CEMIP: variants seen among roughly 807,000 people sequenced by gnomAD.
The protein encoded by CEMIP is cell migration inducing hyaluronidase 1.
Under a neutral mutation model 156.9 loss-of-function variants are expected in CEMIP, and 105 were observed. The ratio of observed to expected loss-of-function variants is 0.67; its 90% CI spans 0.57 to 0.79. The LOEUF is 0.79. Among genes scored for constraint, CEMIP ranks in the 30% least tolerant of loss-of-function variants. The probability of loss-of-function intolerance (pLI) is 0.00; values close to 1 mark genes in which losing one functional copy is unlikely to be tolerated. For synonymous variants in CEMIP, 676 were observed against 668.4 expected, an observed-to-expected ratio of 1.01 and a Z score of -0.17; for missense variants, 1,457 against 1,769.4, an observed-to-expected ratio of 0.82 and a Z score of 3.17.
At chr15:80,861,653 T>A (rs1279166807) in intron 1 of CEMIP, among the ~76,000 whole-genome samples, 1 of 152,204 alleles carries the variant, frequency 6.6e-6, no homozygotes, top group African/African-American at 2.4e-5. Flanking sequence ...GCAGGGGGCA[T>A]CTGGTAGAAA....
At position 80,884,186 on chromosome 15, in the gene CEMIP, A is replaced by G. The variant is rs1898756674; in HGVS notation, c.629A>G (p.Tyr210Cys). Residue 210 changes from tyrosine (Y) to cysteine (C), a missense_variant, in exon 7 of 30, where the codon TAT (tyrosine) becomes TGT (cysteine). Physicochemically the swap from Tyr to Cys is radical, Grantham distance 194 (BLOSUM62 -2). Coordinates refer to ENST00000394685, the MANE Select transcript of CEMIP (RefSeq NM_001293298.2). ...TCTGCCCTTTTTAGGTTTGACACCT[A>G]TAGATCCAAGAAAGAGAGTGAACGT... ...TVIHSDRFDT[Y>C]RSKKESERLV... 6.2e-7 allele frequency: 1 copy of G among 1,614,060 alleles called. No homozygotes were observed. The highest frequency in any genetic ancestry group is 1.3e-5 in the African/African-American group (1 of 74,932).
intron 1 of CEMIP, among the ~76,000 whole-genome samples, chr15:80,860,126 C>T (rs1953856769): frequency 6.6e-6 from 1 of 152,222 alleles, no homozygotes; most frequent in Admixed American, 6.5e-5. Context: ...GGATGAGTCT[C>T]TCCAGTGCTT....
Position 80,924,671 on chromosome 15 carries a change from G to A in CEMIP, c.2253G>A (p.Lys751=). The change falls in exon 18 of 30, where the codon AAG becomes AAA. Residue 751 remains lysine, a synonymous_variant. Coordinates refer to ENST00000394685, the MANE Select transcript of CEMIP (RefSeq NM_001293298.2). ...TCAAAACCACCGAGGCCTCTGCCAA[G>A]GACAAGCGGCCGTTCCTCTCAATCA... ...NGVKTTEASA[K]DKRPFLSIIS... 1 of 1,614,176 alleles carries A rather than the reference G, an allele frequency of 6.2e-7. No individual in the cohort carries two copies. Among genetic ancestry groups the A allele is most frequent in the Non-Finnish European group, 8.5e-7 (1 of 1,180,040 alleles).
At chr15:80,911,495 T>A (rs1900049426) in intron 14 of CEMIP, among the ~76,000 whole-genome samples, 1 of 151,802 alleles carries the variant, frequency 6.6e-6, no homozygotes, top group Non-Finnish European at 1.5e-5. Flanking sequence ...GCAGTTTGAA[T>A]GGAAGCTGTT....
intron 12 of CEMIP, 110 bp downstream of exon 12, chr15:80,896,170 T>C: frequency 9.0e-7 from 1 of 1,110,656 alleles, no homozygotes; most frequent in East Asian, 2.4e-5. Context: ...GCTGTAATAA[T>C]GCTGCATAAC....
At chr15:80,879,451 T>C (rs1333997582) in intron 4 of CEMIP, among the ~76,000 whole-genome samples, 1 of 152,190 alleles carries the variant, frequency 6.6e-6, no homozygotes, top group Admixed American at 6.5e-5. Context: ...ATAGGTTAGA[T>C]GCAAATATGC....
At chr15:80,861,426 G>C (rs949878740) in intron 1 of CEMIP, among the ~76,000 whole-genome samples, 3 of 152,210 alleles carry the variant, frequency 2.0e-5, no homozygotes, top group Non-Finnish European at 4.4e-5. Context: ...CATCTTTGCT[G>C]ATCCTTGGCA....
intron 1 of CEMIP, among the ~76,000 whole-genome samples, chr15:80,831,354 T>C (rs915429658): frequency 1.3e-5 from 2 of 152,188 alleles, no homozygotes; most frequent in Middle Eastern, 6.8e-3. Flanking sequence ...GAGGATGTCT[T>C]TCTGGCAGTG....
chr15:80,931,848 T>G lies in CEMIP; in HGVS notation c.2613-11T>G, dbSNP rs1310766401. ...CATTTAGACTGACATCTTACTTCCTTAACTCCGTAGGAATTTTCCAATTAG... is the reference window on the plus strand; with the variant it reads ...CATTTAGACTGACATCTTACTTCCTGAACTCCGTAGGAATTTTCCAATTAG... On this transcript the variant is annotated splice_polypyrimidine_tract_variant and intron_variant, in intron 21 of 29. Coordinates refer to ENST00000394685, the MANE Select transcript of CEMIP (RefSeq NM_001293298.2). 2.5e-6 allele frequency: 4 copies of G among 1,613,182 alleles called. No homozygotes were observed. The highest frequency in any genetic ancestry group is 1.1e-5 in the South Asian group (1 of 91,066).
At chr15:80,895,192 C>T in intron 11 of CEMIP, 70 bp downstream of exon 11, 3 of 1,600,390 alleles carry the variant, frequency 1.9e-6, no homozygotes, top group Non-Finnish European at 2.6e-6. Flanking sequence ...GCTATGCAGG[C>T]AACTTCCAGA....
chr15:80,855,570 C>T (rs573171831), intron 1 of CEMIP, among the ~76,000 whole-genome samples: 195 of 151,888 alleles, frequency 1.3e-3, no homozygotes, highest in Non-Finnish European at 1.4e-3. Flanking sequence ...TGCAGTGGCA[C>T]GATCTCGGCT....
At chr15:80,920,022 T>C in intron 14 of CEMIP, 72 bp from the exon 15 acceptor site, 6 of 1,387,548 alleles carry the variant, frequency 4.3e-6, no homozygotes, top group Non-Finnish European at 5.1e-6. Context: ...CTATTTAGTG[T>C]TTGCTGAATG....
chr15:80,942,279 A>T lies in CEMIP; in HGVS notation c.3641A>T (p.Lys1214Met). The T allele has an allele frequency of 6.2e-7, 1 of 1,614,168 alleles. No homozygotes were observed. The highest frequency in any genetic ancestry group is 8.5e-7 in the Non-Finnish European group (1 of 1,179,986). Residue 1214 changes from lysine (K) to methionine (M), a missense_variant, in exon 27 of 30, where the codon AAG becomes ATG. Lys to Met is a moderately conservative substitution (Grantham distance 95). Coordinates refer to ENST00000394685, the MANE Select transcript of CEMIP (RefSeq NM_001293298.2). The part of the protein sequence containing the change: ...LKTKDHFLEV[K>M]MESSKQHFFH... ...ACAAAGGACCATTTCTTGGAGGTGA[A>T]GATGGAGAGTTCCAAGCAGCACTTC...
intron 14 of CEMIP, 170 bp downstream of exon 14, chr15:80,909,476 G>A (rs1899958151): frequency 4.1e-6 from 3 of 725,322 alleles, no homozygotes; most frequent in Non-Finnish European, 7.4e-6. Context: ...AAACAGGAAG[G>A]AGAAAATAGA....
intron 1 of CEMIP, among the ~76,000 whole-genome samples, chr15:80,790,184 C>A (rs1896045645): frequency 6.6e-6 from 1 of 152,184 alleles, no homozygotes. Context: ...TTTTCATGTT[C>A]TGTTTTACTC....
At position 80,879,698 on chromosome 15, in the gene CEMIP, C is replaced by T. The variant is rs367814136; in HGVS notation, c.242-18C>T. On this transcript the variant is annotated intron_variant, in intron 4 of 29. Transcript: ENST00000394685. ...TAACACTGTGTTATTAAACCTCCCC[C>T]CAATGCTACCTCTTCAGGCAAGCTG... 53 of 1,614,050 alleles carry T rather than the reference C, an allele frequency of 3.3e-5. No homozygotes were observed. The Middle Eastern group carries it at 9.9e-4, about 30-fold the overall frequency.
At chr15:80,820,665 C>A (rs750446042) in intron 1 of CEMIP, among the ~76,000 whole-genome samples, 2 of 152,170 alleles carry the variant, frequency 1.3e-5, no homozygotes, top group Non-Finnish European at 2.9e-5. Flanking sequence ...AGGGCACAGG[C>A]CATAGAAGCT....
intron 1 of CEMIP, among the ~76,000 whole-genome samples, chr15:80,781,541 C>T (rs573402031): frequency 6.6e-6 from 1 of 152,120 alleles, no homozygotes; most frequent in Non-Finnish European, 1.5e-5. Context: ...TTTGTCATTT[C>T]CACCCATACT....
intron 1 of CEMIP, among the ~76,000 whole-genome samples, chr15:80,868,587 A>G (rs982459613): frequency 1.3e-5 from 2 of 152,188 alleles, no homozygotes; most frequent in Admixed American, 6.5e-5. Context: ...CAGCGCCTAC[A>G]TTCTGAGATC....
Sources: allele counts gnomAD v4.1 joint callset (sites outside exome capture counted in the v4.1 genomes callset), GRCh38; gene constraint gnomAD v4.1.1; transcripts MANE v1.5; gene names NCBI Gene and HGNC (gene_info 2026-07-23, HGNC 2026-07-21).